The following DOCK8 variants were observed in gnomAD, a reference collection of about 807,000 sequenced individuals.
DOCK8 encodes dedicator of cytokinesis 8, also known as dedicator of cytokinesis protein 8.
DOCK8 carries 141 observed loss-of-function variants against 245.6 expected under a neutral mutation model. The ratio of observed to expected loss-of-function variants is 0.57; its 90% CI spans 0.50 to 0.66. The LOEUF is 0.66. Ranked by LOEUF, DOCK8 falls within the 30% of genes least tolerant of loss-of-function variation. DOCK8 has a pLI of 0.00. For synonymous variants in DOCK8, 1,168 were observed against 970.2 expected (o/e 1.20, Z -3.79); for missense variants, 2,965 against 2,603.4 (o/e 1.14, Z -3.02).
At chr9:307,329 GTTTTTTTTGTTTTT>G (rs2049882728) in intron 5 of DOCK8, among the ~76,000 whole-genome samples, 3 of 75,140 alleles carry the variant, frequency 4.0e-5, no homozygotes, top group African/African-American at 9.8e-5. Context: ...GTTGTGTGTG[GTTTTTTTTGTTTTT>G]TTTTTTTTTT....
chr9:219,475 A>G (rs914065025), intron 1 of DOCK8, among the ~76,000 whole-genome samples: 7 of 152,324 alleles, frequency 4.6e-5, no homozygotes, highest in African/African-American at 1.7e-4. Flanking sequence ...GTTTCAAAAT[A>G]AAATAAAATA....
intron 2 of DOCK8, among the ~76,000 whole-genome samples, chr9:283,539 C>G (rs1429671484): frequency 6.6e-6 from 1 of 152,142 alleles, no homozygotes; most frequent in Non-Finnish European, 1.5e-5. Flanking sequence ...TCTAGCATCC[C>G]TCACCCCCTC....
chr9:356,954 C>T lies in DOCK8; in HGVS notation c.1680-11064C>T, dbSNP rs114584093. 3.5e-3 allele frequency among the ~76,000 whole-genome samples: 534 copies of T among 151,980 alleles called. 2 individuals carry two copies. Among genetic ancestry groups the T allele is most frequent in the African/African-American group, 0.013 (522 of 41,454 alleles). ...GCAGTTAGGTTTCCCCAGCAGATTT[C>T]GAATGCTTGGATATTTGTGATTCTT... On this transcript the variant is annotated intron_variant, in intron 14 of 47. Transcript: ENST00000432829.
At chr9:238,199 C>T (rs1361242198) in intron 1 of DOCK8, among the ~76,000 whole-genome samples, 1 of 152,154 alleles carries the variant, frequency 6.6e-6, no homozygotes, top group Non-Finnish European at 1.5e-5. Flanking sequence ...GCAGGGCAGA[C>T]CTTTGAGTCT....
chr9:284,214 C>G (rs1586594201), intron 2 of DOCK8, among the ~76,000 whole-genome samples: 1 of 152,230 alleles, frequency 6.6e-6, no homozygotes, highest in South Asian at 2.1e-4. Context: ...GTGTCTGTGG[C>G]AGATTGGCAG....
chr9:325,984 T>C (rs1032017377), intron 8 of DOCK8, among the ~76,000 whole-genome samples: 1 of 152,182 alleles, frequency 6.6e-6, no homozygotes, highest in African/African-American at 2.4e-5. Context: ...AGAGAAAGAA[T>C]GAAATAGCGC....
chr9:400,743 G>C (rs961587074), intron 26 of DOCK8, among the ~76,000 whole-genome samples: 337 of 1,878 alleles, frequency 0.18, 6 homozygotes, highest in African/African-American at 0.2. Context: ...ACCACCACCA[G>C]CATCTTCACC....
At chr9:424,585 T>C (rs1306128878) in intron 33 of DOCK8, among the ~76,000 whole-genome samples, 1 of 152,060 alleles carries the variant, frequency 6.6e-6, no homozygotes, top group Non-Finnish European at 1.5e-5. Flanking sequence ...ACTTTTTGTA[T>C]TTTTTGTAGA....
intron 19 of DOCK8, 74 bp from the exon 20 acceptor site, chr9:376,903 C>T (rs1231255470): frequency 1.7e-5 from 22 of 1,313,498 alleles, no homozygotes; most frequent in East Asian, 1.2e-4. Context: ...AAGAGCTATT[C>T]GATTGTGTTT....
intron 7 of DOCK8, among the ~76,000 whole-genome samples, chr9:322,651 T>C (rs1179497763): frequency 6.6e-6 from 1 of 152,238 alleles, no homozygotes; most frequent in African/African-American, 2.4e-5. Context: ...TCAATTCTCT[T>C]TTTCTTTCTC....
chr9:359,842 T>C (rs7855388), intron 14 of DOCK8, among the ~76,000 whole-genome samples: 2,707 of 151,692 alleles, frequency 0.018, 74 homozygotes, highest in African/African-American at 0.062. Flanking sequence ...GGGAGAATTT[T>C]AAAACACAAA....
intron 26 of DOCK8, among the ~76,000 whole-genome samples, chr9:401,079 CCACCACCTCCACCACCAT>C (rs1374872070): frequency 6.5e-5 from 1 of 15,368 alleles, no homozygotes; most frequent in Non-Finnish European, 2.0e-4. Flanking sequence ...ATCATCACCA[CCACCACCTCCACCACCAT>C]CACCACCTCT....
At chr9:448,270 A>G (rs1303757441) in intron 44 of DOCK8, among the ~76,000 whole-genome samples, 1 of 152,048 alleles carries the variant, frequency 6.6e-6, no homozygotes, top group African/African-American at 2.4e-5. Context: ...TTAAAAATAC[A>G]GAGAGATATA....
chr9:325,134 G>A (rs1267694120), intron 7 of DOCK8, among the ~76,000 whole-genome samples: 2 of 31,166 alleles, frequency 6.4e-5, no homozygotes, highest in Non-Finnish European at 1.3e-4. Context: ...TCCTGCAAAA[G>A]ACATTAATTA....
intron 1 of DOCK8, among the ~76,000 whole-genome samples, chr9:257,572 T>C (rs1346070433): frequency 6.6e-6 from 1 of 152,140 alleles, no homozygotes. Flanking sequence ...CAGGCTGGAG[T>C]GCAGTGGCGC....
intron 1 of DOCK8, among the ~76,000 whole-genome samples, chr9:255,236 A>T (rs1471097127): frequency 6.6e-6 from 1 of 152,226 alleles, no homozygotes; most frequent in Non-Finnish European, 1.5e-5. Context: ...TCTTTAGATC[A>T]TCCTTATAAC....
intron 3 of DOCK8, among the ~76,000 whole-genome samples, chr9:288,307 T>C (rs1030902163): frequency 1.3e-5 from 2 of 152,116 alleles, no homozygotes. Context: ...CCCAGAACTT[T>C]ATGTTGAGCT....
At position 235,284 on chromosome 9, in the gene DOCK8, G is replaced by A. The variant is rs564860139; in HGVS notation, c.53+20255G>A. ...TTTTGTGTCAGAGGAGTACCTGGCT[G>A]TGTGAGGTGTCAGTCTGCCCCTACT... On this transcript the variant is annotated intron_variant, in intron 1 of 47. Coordinates refer to ENST00000432829, the MANE Select transcript of DOCK8 (RefSeq NM_203447.4). Among the ~76,000 whole-genome samples the A allele has an allele frequency of 1.6e-4, 24 of 152,300 alleles. No individual in the cohort carries two copies. In the South Asian group the frequency reaches 5.0e-3, roughly 32 times the overall value.
chr9:433,771 T>C, intron 37 of DOCK8, 104 bp from the exon 38 acceptor site: 1 of 962,272 alleles, frequency 1.0e-6, no homozygotes, highest in Non-Finnish European at 1.7e-6. Context: ...TGCTGCCCTC[T>C]GATCCAACCC....
Sources: allele counts gnomAD v4.1 joint callset (sites outside exome capture counted in the v4.1 genomes callset), GRCh38; gene constraint gnomAD v4.1.1; transcripts MANE v1.5; gene names NCBI Gene and HGNC (gene_info 2026-07-23, HGNC 2026-07-21).